FBLN1: variants seen among roughly 807,000 people sequenced by gnomAD.
FBLN1 encodes fibulin 1, also known as fibulin-1.
FBLN1 carries 34 observed loss-of-function variants against 89.7 expected under a neutral mutation model. The observed-to-expected ratio is 0.38, with a 90% CI of 0.29 to 0.50. The LOEUF (loss-of-function observed/expected upper bound fraction) is 0.50, where lower values mean the gene tolerates loss of function less well. FBLN1 is among the 20% of genes least tolerant of loss of function. FBLN1 has a pLI of 0.92. For synonymous variants in FBLN1, 393 were observed against 391.3 expected (o/e 1.00, Z -0.05); for missense variants, 777 against 988.1 (o/e 0.79, Z 2.86).
chr22:45,558,172 G>A, intron 14 of FBLN1: 1 of 706,450 alleles, frequency 1.4e-6, no homozygotes, highest in Non-Finnish European at 2.6e-6. Flanking sequence ...ACTTCCTCAT[G>A]TAACTTAACT....
In FBLN1 at chr22:45,502,900, GGCCGGAGC is replaced by G; in HGVS notation, c.-84_-77del. On this transcript the variant is annotated 5_prime_UTR_variant, in exon 1 of 17. Transcript: ENST00000327858. ...GGCCCAGCGTTGGCTGCCGAGGCTC[GGCCGGAGC>G]GTGGAGCCCGCGCCGCTGCCCCAGG... 1 of 482,662 alleles carries G rather than the reference GGCCGGAGC, an allele frequency of 2.1e-6. No homozygotes were observed. Among genetic ancestry groups the G allele is most frequent in the Non-Finnish European group, 2.7e-6 (1 of 364,178 alleles). 29.9% of individuals were successfully genotyped at this position (482,662 alleles called of 1,614,324 possible). A position where few individuals can be genotyped will look rare whatever the true frequency, so the allele number is the denominator to read the frequency against.
chr22:45,581,085 C>T lies in FBLN1; in HGVS notation c.1972+3977C>T, dbSNP rs1049664660. Among the ~76,000 whole-genome samples, 1 of 152,214 alleles carries T rather than the reference C, an allele frequency of 6.6e-6. No homozygotes were observed. The highest frequency in any genetic ancestry group is 1.5e-5 in the Non-Finnish European group (1 of 68,046). ...ATTCTCAGCTCTGCAGCCTGTAATC[C>T]GGGGTGCTCTGGGAAGAGATCTTTC... On this transcript the variant is annotated intron_variant, in intron 16 of 16. Transcript: ENST00000327858. This position sits in a 1 kb window ranked among gnomAD's most constrained non-coding sequence, Gnocchi z 7.6.
At position 45,575,342 on chromosome 22, in the gene FBLN1, T is replaced by C. The variant is rs1481027110; in HGVS notation, c.1840+689T>C. On this transcript the variant is annotated intron_variant, in intron 15 of 16. Transcript: ENST00000327858. The surrounding 1 kb of genome is among the most constrained non-coding windows in gnomAD (Gnocchi z 6.3). The stretch of plus-strand genomic sequence containing the variant: ...GGGAGAAGGGGAGGAGGGTGCCCAG[T>C]GGAGCAGGACATGGCCAGAAGGGTC... Among the ~76,000 whole-genome samples, 2 of 151,492 alleles carry C rather than the reference T, an allele frequency of 1.3e-5. No homozygotes were observed. Among genetic ancestry groups the C allele is most frequent in the Non-Finnish European group, 2.9e-5 (2 of 67,906 alleles).
intron 11 of FBLN1, among the ~76,000 whole-genome samples, chr22:45,544,052 C>A (rs2146984380): frequency 6.6e-6 from 1 of 151,598 alleles, no homozygotes; most frequent in East Asian, 1.9e-4. Context: ...AGTACTGAGG[C>A]CTTTAGGGCG....
Position 45,537,606 on chromosome 22 carries a change from C to T in FBLN1, c.922+2269C>T, listed in dbSNP as rs1213092258. Among the ~76,000 whole-genome samples, 3 of 147,162 alleles carry T rather than the reference C, an allele frequency of 2.0e-5. No homozygotes were observed. The highest frequency in any genetic ancestry group is 3.9e-4 in the East Asian group (2 of 5,100). On this transcript the variant is annotated intron_variant, in intron 8 of 16. Coordinates refer to ENST00000327858, the MANE Select transcript of FBLN1 (RefSeq NM_006486.3). The surrounding 1 kb of genome is among the most constrained non-coding windows in gnomAD (Gnocchi z 5.7). ...CTGCACTCCAGCCTGGACAACAGAG[C>T]AAGACTCTGTGTCAAAAAAAAAAAA...
Position 45,597,169 on chromosome 22 carries a change from ATTTTTGTAT to A in FBLN1, c.1973-3129_1973-3121del, listed in dbSNP as rs1327750281. 6.6e-6 allele frequency among the ~76,000 whole-genome samples: 1 copy of A among 151,958 alleles called. No homozygotes were observed. The highest frequency in any genetic ancestry group is 1.5e-5 in the Non-Finnish European group (1 of 67,996). On this transcript the variant is annotated intron_variant, in intron 16 of 16. Transcript: ENST00000327858. The surrounding 1 kb of genome is among the most constrained non-coding windows in gnomAD (Gnocchi z 4.2). ...AAGCACACACCACCATGCCTGGCTA[ATTTTTGTAT>A]TTTTTGTAGAGACAGGGTTTTGCCA...
In FBLN1 at chr22:45,525,574, C is replaced by G; in HGVS notation, c.217C>G (p.Leu73Val). ...GCAGGAGCAGTGCTGCCACAGCCAG[C>G]TGGAGGAGCTGCACTGTGCCACGGG... ...MVQEQCCHSQ[L>V]EELHCATGIS... Residue 73 changes from leucine to valine, a missense_variant, in exon 3 of 17, where the codon CTG becomes GTG. Physicochemically the swap from Leu to Val is conservative, Grantham distance 32. Coordinates refer to ENST00000327858, the MANE Select transcript of FBLN1 (RefSeq NM_006486.3). The G allele has an allele frequency of 6.5e-7, 1 of 1,549,938 alleles. No homozygotes were observed. The highest frequency in any genetic ancestry group is 8.7e-7 in the Non-Finnish European group (1 of 1,146,844).
intron 14 of FBLN1, among the ~76,000 whole-genome samples, chr22:45,552,799 T>C (rs2088721661): frequency 6.6e-6 from 1 of 152,220 alleles, no homozygotes; most frequent in Non-Finnish European, 1.5e-5. Flanking sequence ...GGGCTCGGCC[T>C]TGTGGACAGG....
chr22:45,531,391 A>G lies in FBLN1; in HGVS notation c.544+67A>G, dbSNP rs938454021. On this transcript the variant is annotated intron_variant, in intron 5 of 16. Transcript: ENST00000327858. The surrounding 1 kb of genome is among the most constrained non-coding windows in gnomAD (Gnocchi z 4.9). ...CCCCAAGGGGCCAGCAAGGTGGCTC[A>G]GGCCTGTAATCCTAGTACTTTGGGA... 6.4e-6 allele frequency: 9 copies of G among 1,400,920 alleles called. No individual in the cohort carries two copies. In the African/African-American group the frequency reaches 9.9e-5, roughly 15 times the overall value. The allele number at this position is 1,400,920 out of a possible 1,614,324, so 86.8% of individuals were successfully genotyped here.
intron 16 of FBLN1, among the ~76,000 whole-genome samples, chr22:45,585,991 C>T (rs747620970): frequency 2.6e-5 from 4 of 151,608 alleles, no homozygotes; most frequent in Non-Finnish European, 5.9e-5. Flanking sequence ...CCTGCAGCAG[C>T]TCCTGGGCTC....
rs2089111148 is a variant in FBLN1, at chr22:45,588,883, G to C, written c.1973-11424G>C. Among the ~76,000 whole-genome samples, 1 of 150,268 alleles carries C rather than the reference G, an allele frequency of 6.7e-6. No homozygotes were observed. The highest frequency in any genetic ancestry group is 2.5e-5 in the African/African-American group (1 of 40,736). On this transcript the variant is annotated intron_variant, in intron 16 of 16. Transcript: ENST00000327858. This position sits in a 1 kb window ranked among gnomAD's most constrained non-coding sequence, Gnocchi z 5.1. ...GCCTCTCCTAACCGTCTTTAAATCT[G>C]CGAAAGGATCTCAGTGCCCGCCATT... is the stretch of plus-strand genomic sequence containing the variant.
chr22:45,589,057 T>C (rs2089112368), intron 16 of FBLN1, among the ~76,000 whole-genome samples: 1 of 146,872 alleles, frequency 6.8e-6, no homozygotes. Flanking sequence ...TGGGCATATA[T>C]ATGTATTTTT....
chr22:45,542,718 T>G (rs1264631636), intron 10 of FBLN1, among the ~76,000 whole-genome samples: 1 of 152,194 alleles, frequency 6.6e-6, no homozygotes, highest in South Asian at 2.1e-4. Context: ...CAGTGCCTGC[T>G]GTCACCAAAC....
chr22:45,533,981 G>A (rs1305981314), intron 7 of FBLN1, 83 bp downstream of exon 7: 2 of 1,584,426 alleles, frequency 1.3e-6, no homozygotes, highest in African/African-American at 2.7e-5. Flanking sequence ...TGGGGTCTGG[G>A]CTCCCGCAGT....
intron 11 of FBLN1, 76 bp from the exon 12 acceptor site, chr22:45,547,009 T>C: frequency 6.2e-7 from 1 of 1,608,298 alleles, no homozygotes; most frequent in Non-Finnish European, 8.5e-7. Context: ...AGATTTTCTG[T>C]TCACTGACCC....
chr22:45,540,821 C>T (rs951513250), intron 8 of FBLN1, among the ~76,000 whole-genome samples: 1 of 152,202 alleles, frequency 6.6e-6, no homozygotes, highest in African/African-American at 2.4e-5. Flanking sequence ...CAGCATAGGC[C>T]CTGTGAAGCC....
At chr22:45,517,531 G>C in intron 1 of FBLN1, 1 of 470,576 alleles carries the variant, frequency 2.1e-6, no homozygotes, top group Admixed American at 2.3e-5. Flanking sequence ...GGCTCTGAGG[G>C]TGTGGGCCGG....
At chr22:45,565,037 C>G (rs1009237294) in intron 14 of FBLN1, 2 of 1,611,066 alleles carry the variant, frequency 1.2e-6, no homozygotes, top group African/African-American at 2.7e-5. Context: ...ACACCTTGCG[C>G]TGAGCAGCTG....
At chr22:45,544,367 G>A (rs1253350245) in intron 11 of FBLN1, among the ~76,000 whole-genome samples, 6 of 152,162 alleles carry the variant, frequency 3.9e-5, no homozygotes, top group Admixed American at 1.3e-4. Context: ...CATTACAGGC[G>A]TGAGCCACCG....
Sources: allele counts gnomAD v4.1 joint callset (sites outside exome capture counted in the v4.1 genomes callset), GRCh38; gene constraint gnomAD v4.1.1; non-coding constraint Gnocchi (gnomAD v3.1); transcripts MANE v1.5; gene names NCBI Gene and HGNC (gene_info 2026-07-23, HGNC 2026-07-21).